CYB5RL: variants seen among roughly 807,000 people sequenced by gnomAD.
CYB5RL encodes the protein cytochrome b5 reductase like.
A neutral mutation model predicts 37.5 loss-of-function variants in CYB5RL; 38 were observed. The observed-to-expected ratio is 1.01, with a 90% confidence interval of 0.78 to 1.33. CYB5RL has a LOEUF of 1.33. Ranked by LOEUF, CYB5RL falls within the 40% of genes most tolerant of loss-of-function variation. CYB5RL has a pLI of 0.00. For missense variants in CYB5RL, 388 were observed against 394.4 expected, an observed-to-expected ratio of 0.98 and a Z score of 0.14; for synonymous variants, 141 against 151.9, an observed-to-expected ratio of 0.93 and a Z score of 0.53.
At chr1:54,190,530 G>C (rs1643940666) in intron 4 of CYB5RL, 5 of 645,286 alleles carry the variant, frequency 7.7e-6, no homozygotes, top group African/African-American at 3.7e-5. Context: ...ACTGTGCCTT[G>C]GATAGTAAAT....
chr1:54,189,745 C>T (rs774999957), intron 4 of CYB5RL, among the ~76,000 whole-genome samples: 18 of 152,142 alleles, frequency 1.2e-4, no homozygotes, highest in Admixed American at 4.6e-4. Flanking sequence ...CCCCTCCTGC[C>T]CACTGGGATA....
chr1:54,187,466 A>G (rs1339780541), intron 5 of CYB5RL, among the ~76,000 whole-genome samples, 186 bp downstream of exon 5: 1 of 152,128 alleles, frequency 6.6e-6, no homozygotes, highest in Non-Finnish European at 1.5e-5. Context: ...TAATCCTCTC[A>G]GATTGCATCC....
At chr1:54,187,351 C>T (rs764899751) in intron 5 of CYB5RL, among the ~76,000 whole-genome samples, 17 of 152,272 alleles carry the variant, frequency 1.1e-4, no homozygotes, top group Admixed American at 2.0e-4. Context: ...AATTTGTACT[C>T]CTTCTTCAAG....
chr1:54,178,088 C>A (rs1392361064), intron 7 of CYB5RL, among the ~76,000 whole-genome samples: 1 of 152,216 alleles, frequency 6.6e-6, no homozygotes, highest in East Asian at 1.9e-4. Context: ...CTTTCCGCTG[C>A]TATAAATGTT....
At chr1:54,190,309 T>G (rs1570115442) in intron 4 of CYB5RL, among the ~76,000 whole-genome samples, 2 of 152,338 alleles carry the variant, frequency 1.3e-5, no homozygotes, top group East Asian at 3.9e-4. Context: ...TTATTCTCAA[T>G]TCTATCAATT....
chr1:54,189,621 A>T (rs1469918739), intron 4 of CYB5RL, among the ~76,000 whole-genome samples: 1 of 152,122 alleles, frequency 6.6e-6, no homozygotes, highest in Non-Finnish European at 1.5e-5. Context: ...TGTGTTAGGG[A>T]TGTCACCGCA....
In CYB5RL at chr1:54,184,202, A is replaced by G. The variant is rs866624791; in HGVS notation, c.499T>C (p.Trp167Arg). The change falls in exon 6 of 8, where the codon TGG becomes CGG. Residue 167 changes from tryptophan (W) to arginine (R), a missense_variant. Coordinates refer to ENST00000534324, the MANE Select transcript of CYB5RL (RefSeq NM_001031672.4). ...AAGAAATCTCCGAAAGGTCCTCGCCAGAAAGCTGTGTCTCCTACTCTCCAG... is the reference window on the plus strand; with the variant it reads ...AAGAAATCTCCGAAAGGTCCTCGCCGGAAAGCTGTGTCTCCTACTCTCCAG... ...ESWRVGDTAF[W>R]RGPFGDFFYK... 3.7e-6 allele frequency: 6 copies of G among 1,613,830 alleles called. No individual in the cohort carries two copies. The African/African-American group carries it at 5.3e-5, about 14-fold the overall frequency.
chr1:54,171,357 G>A lies in CYB5RL; in HGVS notation c.*3262C>T. On this transcript the variant is annotated 3_prime_UTR_variant, in exon 8 of 8. Coordinates refer to ENST00000534324, the MANE Select transcript of CYB5RL (RefSeq NM_001031672.4). ...AGAGAGGCCCTACCCCAAGGCCACA[G>A]GGAGACAGGGAAGGATTTCAAGCAG... 1 of 456,476 alleles carries A rather than the reference G, an allele frequency of 2.2e-6. No homozygotes were observed. The highest frequency in any genetic ancestry group is 1.5e-5 in the South Asian group (1 of 64,562). The allele number at this position is 456,476 out of a possible 1,614,324, so 28.3% of individuals were successfully genotyped here.
At chr1:54,193,781 C>T (rs747981382) in intron 3 of CYB5RL, among the ~76,000 whole-genome samples, 7 of 151,296 alleles carry the variant, frequency 4.6e-5, no homozygotes, top group African/African-American at 9.7e-5. Flanking sequence ...TCGAGACCAA[C>T]GTGGTAAAAC....
Position 54,187,676 on chromosome 1 carries a change from T to A in CYB5RL, c.411A>T (p.Glu137Asp). The A allele has an allele frequency of 6.2e-7, 1 of 1,614,044 alleles. No homozygotes were observed. The highest frequency in any genetic ancestry group is 8.5e-7 in the Non-Finnish European group (1 of 1,179,900). ...CCTTAATTAACACTTCAAAGTATCC[T>A]TCTGCGTTGGCAGGGCTGATGGGCG... ...AYTPISPANA[E>D]GYFEVLIKCY... The change falls in exon 5 of 8, where the codon GAA becomes GAT. Residue 137 changes from glutamate to aspartate, a missense_variant. Transcript: ENST00000534324.
At chr1:54,192,476 C>T (rs541487003) in intron 3 of CYB5RL, among the ~76,000 whole-genome samples, 77 of 152,040 alleles carry the variant, frequency 5.1e-4, no homozygotes, top group Non-Finnish European at 8.5e-4. Flanking sequence ...TGAGGCACCA[C>T]GCTGGACCTC....
rs17110078 is a variant in CYB5RL at position 54,194,064 on chromosome 1, T to C, written c.198+1355A>G. Among the ~76,000 whole-genome samples the C allele has an allele frequency of 5.9e-3, 884 of 149,444 alleles. 3 individuals carry two copies. The highest frequency in any genetic ancestry group is 0.02 in the African/African-American group (822 of 40,750). Reference sequence around the variant, plus strand: ...ATAATAATAATAATGTCATGTTGTTTTGGGGTTCAGAGAAACAACTGCAAG... The same window carrying C: ...ATAATAATAATAATGTCATGTTGTTCTGGGGTTCAGAGAAACAACTGCAAG... On this transcript the variant is annotated intron_variant, in intron 3 of 7. Coordinates refer to ENST00000534324, the MANE Select transcript of CYB5RL (RefSeq NM_001031672.4).
In CYB5RL at chr1:54,171,454, G is replaced by C. The variant is rs920889576; in HGVS notation, c.*3165C>G. On this transcript the variant is annotated 3_prime_UTR_variant, in exon 8 of 8. Coordinates refer to ENST00000534324, the MANE Select transcript of CYB5RL (RefSeq NM_001031672.4). ...TCAGCGTGGAGGTGGCATGGAGACT[G>C]GGAGCTGGGAGACCCATGAGGGGAA... The C allele has an allele frequency of 4.4e-6, 2 of 455,960 alleles. No individual in the cohort carries two copies. Among genetic ancestry groups the C allele is most frequent in the Non-Finnish European group, 8.8e-6 (2 of 226,718 alleles). 28.2% of individuals were successfully genotyped at this position (455,960 alleles called of 1,614,324 possible).
At chr1:54,175,161 T>C (rs1659990770) in intron 7 of CYB5RL, among the ~76,000 whole-genome samples, 1 of 152,254 alleles carries the variant, frequency 6.6e-6, no homozygotes, top group Non-Finnish European at 1.5e-5. Context: ...TTTTCTCCCC[T>C]GACTGTGGGT....
At position 54,174,790 on chromosome 1, in the gene CYB5RL, G is replaced by GT; in HGVS notation, c.776dup (p.Tyr259Ter). The GT allele has an allele frequency of 6.2e-7, 1 of 1,613,804 alleles. No individual in the cohort carries two copies. The highest frequency in any genetic ancestry group is 8.5e-7 in the Non-Finnish European group (1 of 1,179,884). ...GGTGGCCAAAGTGGGTTTTCTCTTGGTAACTCCAGGGAAGCTGCTCTGAGG... is the reference window on the plus strand; with the variant it reads ...GGTGGCCAAAGTGGGTTTTCTCTTGGTTAACTCCAGGGAAGCTGCTCTGAGG... ...ESSSEQLPWS[Y>*]QEKTHFGHLG... Residue 259 changes from tyrosine (Y) to a stop codon, truncating the protein, a stop_gained and frameshift_variant, in exon 8 of 8, where the codon TAC (tyrosine) becomes TAAC (stop). Coordinates refer to ENST00000534324, the MANE Select transcript of CYB5RL (RefSeq NM_001031672.4). LOFTEE classifies it high-confidence loss of function.
In CYB5RL at chr1:54,195,581, C is replaced by T. The variant is rs149914770; in HGVS notation, c.36G>A (p.Glu12=). Residue 12 remains glutamate (E), a synonymous_variant, in exon 3 of 8, where the codon GAG becomes GAA. Coordinates refer to ENST00000534324, the MANE Select transcript of CYB5RL (RefSeq NM_001031672.4). ...TGGGCCGTAGCTGCATCCAGGCTTC[C>T]TCAGTGTCGTCGTCCTCTTCCCTCT... ...MAEREEDDDT[E]EAWMQLRPTE... is the part of the protein sequence containing the mutation. 9,919 of 1,613,266 alleles carry T rather than the reference C, an allele frequency of 6.1e-3. 46 individuals are homozygous for T. The highest frequency in any genetic ancestry group is 7.0e-3 in the Non-Finnish European group (8,276 of 1,179,384).
At chr1:54,179,498 T>C in intron 6 of CYB5RL, 146 bp from the exon 7 acceptor site, 2 of 771,568 alleles carry the variant, frequency 2.6e-6, no homozygotes, top group Admixed American at 2.6e-5. Flanking sequence ...CCTCTCTACC[T>C]CCTCCAGAAA....
At chr1:54,180,265 C>A in intron 6 of CYB5RL, 1 of 394,948 alleles carries the variant, frequency 2.5e-6, no homozygotes, top group Non-Finnish European at 4.8e-6. Flanking sequence ...TGAGTTCCCA[C>A]CCCAGGAGGT....
chr1:54,191,024 C>G (rs1237043464), intron 3 of CYB5RL, 128 bp from the exon 4 acceptor site: 3 of 1,226,586 alleles, frequency 2.4e-6, no homozygotes, highest in Non-Finnish European at 3.3e-6. Flanking sequence ...AAACTGGACA[C>G]TAGCCTCACC....
Sources: allele counts gnomAD v4.1 joint callset (sites outside exome capture counted in the v4.1 genomes callset), GRCh38; gene constraint gnomAD v4.1.1; transcripts MANE v1.5; gene names NCBI Gene and HGNC (gene_info 2026-07-23, HGNC 2026-07-21).